SNX21: variants seen among roughly 807,000 people sequenced by gnomAD.
The protein encoded by SNX21 is sorting nexin-21.
Under a neutral mutation model 30.9 loss-of-function variants are expected in SNX21, and 36 were observed. That is an observed-to-expected ratio of 1.16 (90% CI 0.89 to 1.54). The LOEUF (loss-of-function observed/expected upper bound fraction) is 1.54, where lower values mean the gene tolerates loss of function less well. Among genes scored for constraint, SNX21 ranks in the 40% most tolerant of loss-of-function variants. The pLI, the probability that SNX21 is intolerant of heterozygous loss-of-function variation, is 0.00. For missense variants in SNX21, 508 were observed against 516.5 expected, an observed-to-expected ratio of 0.98 and a Z score of 0.16; for synonymous variants, 218 against 222.7, an observed-to-expected ratio of 0.98 and a Z score of 0.19.
rs1293572253 is a variant in SNX21, at chr20:45,842,760, C to T, written c.*1447C>T. The T allele has an allele frequency of 2.0e-6, 2 of 989,364 alleles. No individual in the cohort carries two copies. The highest frequency in any genetic ancestry group is 9.3e-5 in the South Asian group (2 of 21,612). The allele number at this position is 989,364 out of a possible 1,614,324, so 61.3% of individuals were successfully genotyped here. On this transcript the variant is annotated 3_prime_UTR_variant, in exon 4 of 4. Coordinates refer to ENST00000491381, the MANE Select transcript of SNX21 (RefSeq NM_033421.4). ...TCAGGAATTTGGCCCCATGATGAAG[C>T]CAAATCTGAACCCATGTCCTCACTT...
chr20:45,836,626 A>G (rs1264117392), intron 3 of SNX21, among the ~76,000 whole-genome samples: 1 of 151,950 alleles, frequency 6.6e-6, no homozygotes, highest in Non-Finnish European at 1.5e-5. Flanking sequence ...TCAGCCTCCC[A>G]AGTAGCTAGG....
chr20:45,842,207 T>G lies in SNX21; in HGVS notation c.*894T>G. 6.9e-7 allele frequency: 1 copy of G among 1,458,610 alleles called. No homozygotes were observed. Among genetic ancestry groups the G allele is most frequent in the Non-Finnish European group, 9.0e-7 (1 of 1,113,406 alleles). The allele number at this position is 1,458,610 out of a possible 1,614,324, so 90.4% of individuals were successfully genotyped here. A position where few individuals can be genotyped will look rare whatever the true frequency, so the allele number is the denominator to read the frequency against. On this transcript the variant is annotated 3_prime_UTR_variant, in exon 4 of 4. Coordinates refer to ENST00000491381, the MANE Select transcript of SNX21 (RefSeq NM_033421.4). ...CTGCCCCACACAAGGGTGCACTGAG[T>G]GTCGTGGCTGCTCCAAATGCCCCTT... is the stretch of plus-strand genomic sequence containing the variant.
chr20:45,833,971 T>C (rs1220369843), intron 1 of SNX21, 31 bp downstream of exon 1: 12 of 1,437,460 alleles, frequency 8.3e-6, no homozygotes, highest in Non-Finnish European at 1.1e-5. Context: ...GCAAGAGACA[T>C]CGGGAGGGTC....
chr20:45,839,953 TTACTC>T (rs1174665418), intron 3 of SNX21: 1 of 157,306 alleles, frequency 6.4e-6, no homozygotes, highest in Non-Finnish European at 1.4e-5. Context: ...ACAGTGATAT[TTACTC>T]TAGTGCACAC....
chr20:45,841,387 A>G lies in SNX21; in HGVS notation c.*74A>G. 1.3e-6 allele frequency: 2 copies of G among 1,499,596 alleles called. No homozygotes were observed. The highest frequency in any genetic ancestry group is 4.8e-5 in the Admixed American group (2 of 41,762). 92.9% of individuals were successfully genotyped at this position (1,499,596 alleles called of 1,614,324 possible). A position where few individuals can be genotyped will look rare whatever the true frequency, so the allele number is the denominator to read the frequency against. Reference sequence around the variant, plus strand: ...GGCAGGGGAAGGACCTGATGAGAACAGAATAGCTGGGAGGCTGCAGAGGGT... The same window carrying G: ...GGCAGGGGAAGGACCTGATGAGAACGGAATAGCTGGGAGGCTGCAGAGGGT... On this transcript the variant is annotated 3_prime_UTR_variant, in exon 4 of 4. Transcript: ENST00000491381.
Position 45,841,562 on chromosome 20 carries a change from G to A in SNX21, c.*249G>A. 7.2e-7 allele frequency: 1 copy of A among 1,389,440 alleles called. No individual in the cohort carries two copies. Among genetic ancestry groups the A allele is most frequent in the Admixed American group, 3.4e-5 (1 of 29,032 alleles). The allele number at this position is 1,389,440 out of a possible 1,614,324, so 86.1% of individuals were successfully genotyped here. A position where few individuals can be genotyped will look rare whatever the true frequency, so the allele number is the denominator to read the frequency against. ...CCTCTCCAGCCTATAAACAGCCGGG[G>A]GGCTGTGGCACAGGTTGGGGCAATG... On this transcript the variant is annotated 3_prime_UTR_variant, in exon 4 of 4. Coordinates refer to ENST00000491381, the MANE Select transcript of SNX21 (RefSeq NM_033421.4).
intron 3 of SNX21, among the ~76,000 whole-genome samples, chr20:45,838,646 C>T (rs1039092133): frequency 4.6e-5 from 7 of 151,874 alleles, no homozygotes; most frequent in Admixed American, 2.0e-4. Flanking sequence ...CCCAGCTACT[C>T]GGGAGATTGA....
Position 45,834,465 on chromosome 20 carries a change from G to C in SNX21, c.286G>C (p.Ala96Pro). Reference protein sequence around the residue: ...PLGDGTSGEDAERSPPPDGQW... With the variant: ...PLGDGTSGEDPERSPPPDGQW... Reference sequence around the variant, plus strand: ...CGGGGATGGGACGTCAGGAGAAGACGCAGGCGAGTGCAGGAGGACGGAGGC... The same window carrying C: ...CGGGGATGGGACGTCAGGAGAAGACCCAGGCGAGTGCAGGAGGACGGAGGC... The change falls in exon 2 of 4, where the codon GCA (alanine) becomes CCA (proline). Residue 96 changes from alanine (A) to proline (P), a missense_variant. By Grantham distance (27) the Ala-to-Pro change is conservative (BLOSUM62 -1). Coordinates refer to ENST00000491381, the MANE Select transcript of SNX21 (RefSeq NM_033421.4). The C allele has an allele frequency of 6.2e-7, 1 of 1,600,016 alleles. No individual in the cohort carries two copies. Among genetic ancestry groups the C allele is most frequent in the Non-Finnish European group, 8.5e-7 (1 of 1,177,718 alleles).
At position 45,833,818 on chromosome 20, in the gene SNX21, G is replaced by T; in HGVS notation, c.-102G>T. The T allele has an allele frequency of 1.7e-6, 2 of 1,172,902 alleles. No individual in the cohort carries two copies. Among genetic ancestry groups the T allele is most frequent in the Non-Finnish European group, 2.2e-6 (2 of 927,030 alleles). 72.7% of individuals were successfully genotyped at this position (1,172,902 alleles called of 1,614,324 possible). ...GGCGGCAGGAAGCTGCCCGAGCGGCGCTCTGAGCGGCCTGAGCCCGGCGGA... is the reference window on the plus strand; with the variant it reads ...GGCGGCAGGAAGCTGCCCGAGCGGCTCTCTGAGCGGCCTGAGCCCGGCGGA... On this transcript the variant is annotated 5_prime_UTR_variant, in exon 1 of 4. Coordinates refer to ENST00000491381, the MANE Select transcript of SNX21 (RefSeq NM_033421.4).
At position 45,841,053 on chromosome 20, in the gene SNX21, G is replaced by T; in HGVS notation, c.862G>T (p.Gly288Trp). Residue 288 changes from glycine (G) to tryptophan (W), a missense_variant, in exon 4 of 4, where the codon GGG becomes TGG. Physicochemically the swap from Gly to Trp is radical, Grantham distance 184. Transcript: ENST00000491381. ...GPDRPLLTLA[G>W]LAVCHQELED... ...AGACCGCCCCCTGCTGACCCTGGCTGGGCTGGCCGTGTGCCACCAGGAGCT... is the reference window on the plus strand; with the variant it reads ...AGACCGCCCCCTGCTGACCCTGGCTTGGCTGGCCGTGTGCCACCAGGAGCT... 6.2e-7 allele frequency: 1 copy of T among 1,609,656 alleles called. No homozygotes were observed.
chr20:45,841,950 G>GAGGGTGAGGACC lies in SNX21; in HGVS notation c.*639_*640insGGTGAGGACCAG. On this transcript the variant is annotated 3_prime_UTR_variant, in exon 4 of 4. Transcript: ENST00000491381. ...CAGCCGCCCATGGACCAGCCCCCGA[G>GAGGGTGAGGACC]AGCCACCTGTGGGTGAGGTGAAGGG... 1 of 1,613,232 alleles carries GAGGGTGAGGACC rather than the reference G, an allele frequency of 6.2e-7. No homozygotes were observed. The highest frequency in any genetic ancestry group is 8.5e-7 in the Non-Finnish European group (1 of 1,180,002).
rs747850174 is a variant in SNX21 at position 45,834,270 on chromosome 20, G to A, written c.91G>A (p.Ala31Thr). 1.1e-5 allele frequency: 18 copies of A among 1,584,706 alleles called. No homozygotes were observed. In the South Asian group the frequency reaches 1.9e-4, roughly 17 times the overall value. Residue 31 changes from alanine to threonine, a missense_variant, in exon 2 of 4, where the codon GCG becomes ACG. Ala to Thr is a moderately conservative substitution (Grantham distance 58). Coordinates refer to ENST00000491381, the MANE Select transcript of SNX21 (RefSeq NM_033421.4). Reference protein sequence around the residue: ...ALAGDGPGEAAASPEAEQFPE... With the variant: ...ALAGDGPGEATASPEAEQFPE... The stretch of plus-strand genomic sequence containing the variant: ...GGCCGGCGACGGCCCCGGGGAGGCG[G>A]CGGCCAGTCCAGAGGCCGAGCAGTT...
intron 3 of SNX21, among the ~76,000 whole-genome samples, chr20:45,835,818 TAG>T (rs1568726316): frequency 6.6e-6 from 1 of 152,198 alleles, no homozygotes; most frequent in East Asian, 1.9e-4. Flanking sequence ...GGGCTAGACT[TAG>T]AGGGTTGGTG....
At chr20:45,834,785 A>G (rs1983372884) in intron 2 of SNX21, 174 bp from the exon 3 acceptor site, 6 of 814,934 alleles carry the variant, frequency 7.4e-6, no homozygotes, top group African/African-American at 1.7e-5. Context: ...TTTAGCCCCT[A>G]CTGTCTGCCA....
chr20:45,834,027 G>T, intron 1 of SNX21, 87 bp downstream of exon 1: 6 of 1,423,178 alleles, frequency 4.2e-6, no homozygotes, highest in African/African-American at 3.0e-5. Flanking sequence ...GAGTGGGTTG[G>T]GGGGAAAGCG....
intron 3 of SNX21, chr20:45,840,037 C>T (rs1203342052): frequency 5.4e-5 from 30 of 550,572 alleles, no homozygotes; most frequent in Non-Finnish European, 6.5e-5. Flanking sequence ...CTTGACCGAG[C>T]ACTTCCTTCA....
intron 2 of SNX21, 180 bp from the exon 3 acceptor site, chr20:45,834,779 G>T: frequency 1.3e-6 from 1 of 774,724 alleles, no homozygotes; most frequent in South Asian, 1.8e-5. Flanking sequence ...TATTAATTTA[G>T]CCCCTACTGT....
rs540824262 is a variant in SNX21 at position 45,841,195 on chromosome 20, G to A, written c.1004G>A (p.Arg335His). Residue 335 changes from arginine (R) to histidine (H), a missense_variant, in exon 4 of 4, where the codon CGC becomes CAC. Coordinates refer to ENST00000491381, the MANE Select transcript of SNX21 (RefSeq NM_033421.4). ...FLEAHVRLSW[R>H]LGLDKRQSEA... ...GAGGCCCATGTCCGGCTCTCCTGGCGCCTGGGCCTGGACAAACGTCAATCA... is the reference window on the plus strand; with the variant it reads ...GAGGCCCATGTCCGGCTCTCCTGGCACCTGGGCCTGGACAAACGTCAATCA... The A allele has an allele frequency of 2.1e-5, 34 of 1,613,904 alleles. No individual in the cohort carries two copies. Among genetic ancestry groups the A allele is most frequent in the Middle Eastern group, 1.6e-4 (1 of 6,062 alleles).
rs1162304963 is a variant in SNX21, at chr20:45,840,763, C to T, written c.572C>T (p.Ala191Val). Residue 191 changes from alanine (A) to valine (V), a missense_variant, in exon 4 of 4, where the codon GCT becomes GTT. Coordinates refer to ENST00000491381, the MANE Select transcript of SNX21 (RefSeq NM_033421.4). ...NLQRQFRGPM[A>V]AISFPRKRLR... is the part of the protein sequence containing the mutation. ...CAGCGGCAATTCCGGGGCCCAATGGCTGCCATCTCCTTCCCCCGTAAGCGG... is the reference window on the plus strand; with the variant it reads ...CAGCGGCAATTCCGGGGCCCAATGGTTGCCATCTCCTTCCCCCGTAAGCGG... The T allele has an allele frequency of 6.2e-7, 1 of 1,614,030 alleles. No individual in the cohort carries two copies. The highest frequency in any genetic ancestry group is 1.3e-5 in the African/African-American group (1 of 74,946).
Sources: allele counts gnomAD v4.1 joint callset (sites outside exome capture counted in the v4.1 genomes callset), GRCh38; gene constraint gnomAD v4.1.1; transcripts MANE v1.5; gene names NCBI Gene and HGNC (gene_info 2026-07-23, HGNC 2026-07-21).